The following HIP1 variants were observed in gnomAD, a reference collection of about 807,000 sequenced individuals.
HIP1 encodes the protein huntingtin-interacting protein 1.
In HIP1, 65 loss-of-function variants were observed where a neutral mutation model predicts 147.6. The observed-to-expected ratio is 0.44, with a 90% CI of 0.36 to 0.54. The LOEUF (loss-of-function observed/expected upper bound fraction) is 0.54. HIP1 is among the 20% of genes least tolerant of loss of function. HIP1 has a pLI of 0.00. For synonymous variants in HIP1, 479 were observed against 504.0 expected, an observed-to-expected ratio of 0.95 and a Z score of 0.67; for missense variants, 1,061 against 1,299.6, an observed-to-expected ratio of 0.82 and a Z score of 2.82.
intron 7 of HIP1, among the ~76,000 whole-genome samples, chr7:75,574,931 G>T (rs587680511): frequency 1.3e-5 from 2 of 151,980 alleles, no homozygotes; most frequent in East Asian, 1.9e-4. Flanking sequence ...AGGCCGAGGT[G>T]GGGGGACTGC....
intron 1 of HIP1, among the ~76,000 whole-genome samples, chr7:75,693,169 A>G (rs1343384260): frequency 6.6e-6 from 1 of 152,088 alleles, no homozygotes; most frequent in Non-Finnish European, 1.5e-5. Flanking sequence ...TGTCTCAAAA[A>G]AAAAAAAAAA....
Position 75,582,162 on chromosome 7 carries a change from G to A in HIP1, c.466-11C>T, listed in dbSNP as rs782666844. On this transcript the variant is annotated splice_polypyrimidine_tract_variant and intron_variant, in intron 5 of 30. Transcript: ENST00000336926. ...TGGGAACCTGGGATTCTGGAAGGGA[G>A]GCAGAGGAAGGGAGTCAGGGCAGAA... 1 of 1,609,894 alleles carries A rather than the reference G, an allele frequency of 6.2e-7. No homozygotes were observed. The highest frequency in any genetic ancestry group is 8.5e-7 in the Non-Finnish European group (1 of 1,176,422).
At position 75,545,912 on chromosome 7, in the gene HIP1, G is replaced by T. The variant is rs185225081; in HGVS notation, c.2560-724C>A. 3.9e-5 allele frequency among the ~76,000 whole-genome samples: 6 copies of T among 152,268 alleles called. No individual in the cohort carries two copies. In the East Asian group the frequency reaches 1.2e-3, roughly 29 times the overall value. ...GCCGAGATTGCACCACTGCATTCTA[G>T]CCTGGCGACAGAGCGAGACTCAGTC... On this transcript the variant is annotated intron_variant, in intron 25 of 30. Transcript: ENST00000336926.
intron 11 of HIP1, among the ~76,000 whole-genome samples, chr7:75,562,429 T>C (rs1795258790): frequency 6.6e-6 from 1 of 152,110 alleles, no homozygotes; most frequent in Admixed American, 6.6e-5. Flanking sequence ...GCTGGAAGTA[T>C]AGGTGTGTGC....
intron 1 of HIP1, among the ~76,000 whole-genome samples, chr7:75,732,143 G>A (rs1801855904): frequency 6.6e-6 from 1 of 152,116 alleles, no homozygotes; most frequent in Non-Finnish European, 1.5e-5. Flanking sequence ...TTCACTCGCT[G>A]TGTGACCTTG....
At chr7:75,670,088 A>T (rs1554515088) in intron 1 of HIP1, among the ~76,000 whole-genome samples, 1 of 150,796 alleles carries the variant, frequency 6.6e-6, no homozygotes, top group Non-Finnish European at 1.5e-5. Flanking sequence ...GGCATGAGCC[A>T]CCATGCCCGG....
chr7:75,568,372 C>T lies in HIP1; in HGVS notation c.746-116G>A. Reference sequence around the variant, plus strand: ...CCCTGGGGCATGTGGCCAGCACTGCCAGGGGCCACGACTGGCCTAGAGCTG... The same window carrying T: ...CCCTGGGGCATGTGGCCAGCACTGCTAGGGGCCACGACTGGCCTAGAGCTG... On this transcript the variant is annotated intron_variant, in intron 8 of 30. Transcript: ENST00000336926. The surrounding 1 kb of genome is among the most constrained non-coding windows in gnomAD (Gnocchi z 4.1). 1.3e-6 allele frequency: 1 copy of T among 762,194 alleles called. No individual in the cohort carries two copies. The highest frequency in any genetic ancestry group is 2.4e-6 in the Non-Finnish European group (1 of 419,758). 47.2% of individuals were successfully genotyped at this position (762,194 alleles called of 1,614,324 possible). A position where few individuals can be genotyped will look rare whatever the true frequency, so the allele number is the denominator to read the frequency against.
intron 13 of HIP1, 82 bp from the exon 14 acceptor site, chr7:75,559,997 G>T: frequency 1.5e-6 from 2 of 1,347,964 alleles, no homozygotes; most frequent in Non-Finnish European, 2.0e-6. Context: ...GTCCTACCAT[G>T]CTTCCAAGTA....
intron 1 of HIP1, among the ~76,000 whole-genome samples, chr7:75,730,623 G>A (rs1355609952): frequency 2.0e-5 from 3 of 152,004 alleles, no homozygotes; most frequent in Non-Finnish European, 4.4e-5. Context: ...ACAAGTGTGA[G>A]CCACCGTGTC....
chr7:75,715,521 C>G (rs1324560500), intron 1 of HIP1, among the ~76,000 whole-genome samples: 1 of 151,234 alleles, frequency 6.6e-6, no homozygotes, highest in African/African-American at 2.4e-5. Flanking sequence ...CCTGTAATCC[C>G]AGCACTTTGG....
intron 4 of HIP1, among the ~76,000 whole-genome samples, chr7:75,588,042 G>A (rs1796348198): frequency 6.6e-6 from 1 of 152,082 alleles, no homozygotes; most frequent in Non-Finnish European, 1.5e-5. Flanking sequence ...AAATAATAAA[G>A]TAACAAACGC....
At position 75,562,996 on chromosome 7, in the gene HIP1, G is replaced by A. The variant is rs1436591271; in HGVS notation, c.959C>T (p.Ser320Phe). The A allele has an allele frequency of 6.2e-7, 1 of 1,614,086 alleles. No individual in the cohort carries two copies. Among genetic ancestry groups the A allele is most frequent in the African/African-American group, 1.3e-5 (1 of 74,930 alleles). Reference sequence around the variant, plus strand: ...CTCTAGGACTGGCTCGCTGTCGGGGGATGAGGCCTCTGCAGGGATCACCAC... The same window carrying A: ...CTCTAGGACTGGCTCGCTGTCGGGGAATGAGGCCTCTGCAGGGATCACCAC... ...PVVVIPAEAS[S>F]PDSEPVLEKD... Residue 320 changes from serine (S) to phenylalanine (F), a missense_variant, in exon 11 of 31, where the codon TCC (serine) becomes TTC (phenylalanine). By Grantham distance (155) the Ser-to-Phe change is radical. Transcript: ENST00000336926.
At chr7:75,671,242 C>T (rs1019213923) in intron 1 of HIP1, among the ~76,000 whole-genome samples, 4 of 152,068 alleles carry the variant, frequency 2.6e-5, no homozygotes, top group Admixed American at 6.6e-5. Context: ...TACAGGCACC[C>T]GCCACCATGC....
At chr7:75,707,306 C>T (rs1801030689) in intron 1 of HIP1, among the ~76,000 whole-genome samples, 1 of 35,650 alleles carries the variant, frequency 2.8e-5, no homozygotes, top group Non-Finnish European at 5.6e-5. Context: ...TGTTTCCTGA[C>T]TTTTTAATGA....
At chr7:75,588,229 C>T (rs1464270254) in intron 4 of HIP1, among the ~76,000 whole-genome samples, 1 of 152,122 alleles carries the variant, frequency 6.6e-6, no homozygotes, top group Non-Finnish European at 1.5e-5. Flanking sequence ...GAGGAACCTG[C>T]CTTCATTACA....
At chr7:75,596,160 G>A (rs1796734968) in intron 2 of HIP1, among the ~76,000 whole-genome samples, 1 of 144,602 alleles carries the variant, frequency 6.9e-6, no homozygotes, top group African/African-American at 2.5e-5. Context: ...GAGCCTAAAA[G>A]TTGGAGGCTG....
chr7:75,553,332 T>G, intron 22 of HIP1, 121 bp downstream of exon 22: 1 of 1,270,360 alleles, frequency 7.9e-7, no homozygotes, highest in South Asian at 1.4e-5. Context: ...ACAATCTCTT[T>G]CTAGAATCAA....
chr7:75,653,516 T>C (rs1799058739), intron 1 of HIP1, among the ~76,000 whole-genome samples: 1 of 151,966 alleles, frequency 6.6e-6, no homozygotes, highest in African/African-American at 2.4e-5. Context: ...TAGCGGGCTG[T>C]GGTAGTGCAT....
intron 1 of HIP1, among the ~76,000 whole-genome samples, chr7:75,736,391 A>G (rs1802021486): frequency 1.3e-5 from 2 of 151,728 alleles, no homozygotes; most frequent in South Asian, 4.2e-4. Context: ...TTAAAAAATA[A>G]TATCTATTTA....
Sources: allele counts gnomAD v4.1 joint callset (sites outside exome capture counted in the v4.1 genomes callset), GRCh38; gene constraint gnomAD v4.1.1; non-coding constraint Gnocchi (gnomAD v3.1); transcripts MANE v1.5; gene names NCBI Gene and HGNC (gene_info 2026-07-23, HGNC 2026-07-21).